The following HSD17B4 variants were observed in gnomAD, a reference collection of about 807,000 sequenced individuals.
HSD17B4 encodes the protein peroxisomal multifunctional enzyme type 2.
A neutral mutation model predicts 101.0 loss-of-function variants in HSD17B4; 70 were observed. The observed-to-expected ratio is 0.69, with a 90% CI of 0.57 to 0.85. The LOEUF (loss-of-function observed/expected upper bound fraction) is 0.85, where lower values mean the gene tolerates loss of function less well. Ranked by LOEUF, HSD17B4 falls within the 40% of genes least tolerant of loss-of-function variation. The probability of loss-of-function intolerance (pLI) is 0.00; values close to 1 mark genes in which losing one functional copy is unlikely to be tolerated. For missense variants in HSD17B4, 984 were observed against 892.4 expected, an observed-to-expected ratio of 1.10 and a Z score of -1.31; for synonymous variants, 347 against 297.1, an observed-to-expected ratio of 1.17 and a Z score of -1.73.
chr5:119,457,487 C>G (rs1754789084), intron 2 of HSD17B4, among the ~76,000 whole-genome samples: 1 of 152,144 alleles, frequency 6.6e-6, no homozygotes, highest in Non-Finnish European at 1.5e-5. Flanking sequence ...TTTGGATGTT[C>G]CTTGTTTAAG....
intron 17 of HSD17B4, among the ~76,000 whole-genome samples, chr5:119,521,317 C>T (rs570564753): frequency 1.6e-4 from 24 of 152,150 alleles, no homozygotes; most frequent in Non-Finnish European, 3.4e-4. Flanking sequence ...AGATTATTTT[C>T]GTTTTTAAAG....
intron 2 of HSD17B4, chr5:119,471,645 T>C: frequency 7.3e-7 from 1 of 1,372,822 alleles, no homozygotes; most frequent in Non-Finnish European, 9.6e-7. Context: ...GCTTTCAAAA[T>C]CTATGCAATA....
intron 15 of HSD17B4, among the ~76,000 whole-genome samples, chr5:119,508,205 C>T (rs1484029780): frequency 6.6e-6 from 1 of 150,430 alleles, no homozygotes; most frequent in Non-Finnish European, 1.5e-5. Context: ...TTAGTCTTCT[C>T]ACCATTGAAC....
chr5:119,468,166 G>T (rs1422409903), intron 2 of HSD17B4, among the ~76,000 whole-genome samples: 3 of 151,878 alleles, frequency 2.0e-5, no homozygotes, highest in African/African-American at 7.2e-5. Flanking sequence ...GATGAAATTG[G>T]ATTCTTTTCT....
At chr5:119,537,703 GTC>G in intron 23 of HSD17B4, among the ~76,000 whole-genome samples, 1 of 152,256 alleles carries the variant, frequency 6.6e-6, no homozygotes, top group South Asian at 2.1e-4. Context: ...GGGCAAGATG[GTC>G]TCTGTTGCAG....
chr5:119,487,775 G>A (rs960893200), intron 8 of HSD17B4, among the ~76,000 whole-genome samples: 2 of 152,158 alleles, frequency 1.3e-5, no homozygotes, highest in Non-Finnish European at 2.9e-5. Context: ...TTAACATTTA[G>A]TTTTGTCAAT....
chr5:119,473,650 A>G (rs555361659), intron 2 of HSD17B4, among the ~76,000 whole-genome samples: 93 of 152,214 alleles, frequency 6.1e-4, no homozygotes, highest in African/African-American at 2.0e-3. Context: ...GAGGAAAAAC[A>G]CTGCACAGTT....
At chr5:119,489,542 A>G (rs572049549) in intron 9 of HSD17B4, among the ~76,000 whole-genome samples, 2 of 152,284 alleles carry the variant, frequency 1.3e-5, no homozygotes, top group East Asian at 1.9e-4. Context: ...GGGGAATTTC[A>G]TTATTTAAGA....
At chr5:119,452,730 C>T in intron 1 of HSD17B4, 97 bp downstream of exon 1, 2 of 1,603,054 alleles carry the variant, frequency 1.2e-6, no homozygotes, top group Non-Finnish European at 1.7e-6. Flanking sequence ...CTGAGGTCAC[C>T]CCGCTGAGGT....
At chr5:119,518,724 TTAAC>T (rs1243545730) in intron 17 of HSD17B4, among the ~76,000 whole-genome samples, 2 of 152,208 alleles carry the variant, frequency 1.3e-5, no homozygotes, top group Non-Finnish European at 2.9e-5. Context: ...GGTATTTATA[TTAAC>T]TAAGTAACTT....
rs12653702 is a variant in HSD17B4 at position 119,489,356 on chromosome 5, G to C, written c.714+73G>C. ...ACATTTGTAAAAATCTGTACCAGTG[G>C]ACATCACTTGTATATTTTTAAATAT... On this transcript the variant is annotated intron_variant, in intron 9 of 23. Coordinates refer to ENST00000510025, the MANE Select transcript of HSD17B4 (RefSeq NM_000414.4). The C allele has an allele frequency of 0.12, 109,515 of 895,662 alleles. 11,229 individuals are homozygous for C. The highest frequency in any genetic ancestry group is 0.45 in the East Asian group (18,419 of 41,254). 55.5% of individuals were successfully genotyped at this position (895,662 alleles called of 1,614,324 possible).
intron 11 of HSD17B4, among the ~76,000 whole-genome samples, chr5:119,496,268 A>T (rs1364887181): frequency 6.6e-6 from 1 of 152,228 alleles, no homozygotes; most frequent in Non-Finnish European, 1.5e-5. Flanking sequence ...GACATTGGAA[A>T]GCCCAGTGCC....
chr5:119,496,210 A>G (rs1176139610), intron 11 of HSD17B4, among the ~76,000 whole-genome samples: 3 of 152,186 alleles, frequency 2.0e-5, no homozygotes, highest in Admixed American at 2.0e-4. Flanking sequence ...GACAAATTGC[A>G]TGTCTATAGA....
chr5:119,479,041 T>G lies in HSD17B4; in HGVS notation c.622+20T>G. On this transcript the variant is annotated intron_variant, in intron 8 of 23. Transcript: ENST00000510025. ...CTGAAGGTAAGTAAGCAAGCTTATA[T>G]TTTTCAGTGCTGTTACTTACAAACC... 1 of 1,582,162 alleles carries G rather than the reference T, an allele frequency of 6.3e-7. No individual in the cohort carries two copies. Among genetic ancestry groups the G allele is most frequent in the Non-Finnish European group, 8.7e-7 (1 of 1,151,038 alleles).
intron 19 of HSD17B4, 107 bp from the exon 20 acceptor site, chr5:119,527,026 A>G (rs935892425): frequency 3.4e-5 from 22 of 654,504 alleles, no homozygotes; most frequent in South Asian, 1.9e-4. Flanking sequence ...TTAAACCTTG[A>G]TTTTTTTTTT....
intron 20 of HSD17B4, among the ~76,000 whole-genome samples, chr5:119,529,598 G>T (rs1753883911): frequency 6.6e-6 from 1 of 151,966 alleles, no homozygotes; most frequent in African/African-American, 2.4e-5. Context: ...GTCTCTATCA[G>T]TGTATTTACA....
intron 17 of HSD17B4, among the ~76,000 whole-genome samples, chr5:119,522,964 C>G (rs982958871): frequency 1.3e-5 from 2 of 152,126 alleles, no homozygotes; most frequent in African/African-American, 4.8e-5. Context: ...TTTTGCACCC[C>G]CCAAGCCCTG....
intron 8 of HSD17B4, among the ~76,000 whole-genome samples, chr5:119,482,530 A>G (rs1249239076): frequency 6.6e-6 from 1 of 152,178 alleles, no homozygotes; most frequent in Non-Finnish European, 1.5e-5. Flanking sequence ...TGTTGAAAGT[A>G]AAAAATAATA....
chr5:119,477,824 C>T (rs1160953433), intron 7 of HSD17B4: 2 of 306,884 alleles, frequency 6.5e-6, no homozygotes, highest in Non-Finnish European at 1.3e-5. Flanking sequence ...ATGAACATGG[C>T]TCACTGTAGC....
Sources: allele counts gnomAD v4.1 joint callset (sites outside exome capture counted in the v4.1 genomes callset), GRCh38; gene constraint gnomAD v4.1.1; transcripts MANE v1.5; gene names NCBI Gene and HGNC (gene_info 2026-07-23, HGNC 2026-07-21).